The following C8orf34 variants were observed in gnomAD, a reference collection of about 807,000 sequenced individuals.
The protein encoded by C8orf34 is chromosome 8 open reading frame 34, also known as uncharacterized protein C8orf34.
A neutral mutation model predicts 68.3 loss-of-function variants in C8orf34; 65 were observed. The observed-to-expected ratio is 0.95, with a 90% CI of 0.78 to 1.17. The LOEUF is 1.17. Among genes scored for constraint, C8orf34 ranks in the 50% most tolerant of loss-of-function variants. The pLI is 0.00. For missense variants in C8orf34, 664 were observed against 655.4 expected, an observed-to-expected ratio of 1.01 and a Z score of -0.14; for synonymous variants, 244 against 241.2, an observed-to-expected ratio of 1.01 and a Z score of -0.11.
intron 1 of C8orf34, among the ~76,000 whole-genome samples, chr8:68,382,684 T>G (rs1447325390): frequency 6.6e-6 from 1 of 152,160 alleles, no homozygotes; most frequent in African/African-American, 2.4e-5. Context: ...CCATTTCTTC[T>G]CAGTCTCCCT....
At chr8:68,706,670 A>G (rs1218051730) in intron 8 of C8orf34, among the ~76,000 whole-genome samples, 5 of 152,138 alleles carry the variant, frequency 3.3e-5, no homozygotes, top group African/African-American at 1.2e-4. Context: ...AGTGGAAGGG[A>G]AGATCTCCAA....
chr8:68,744,085 C>T (rs942317853), intron 10 of C8orf34, among the ~76,000 whole-genome samples: 3 of 152,190 alleles, frequency 2.0e-5, no homozygotes, highest in Non-Finnish European at 4.4e-5. Context: ...CCCTGACCCC[C>T]AAGCAGCCTA....
chr8:68,744,468 A>T (rs1239629546), intron 10 of C8orf34, among the ~76,000 whole-genome samples: 1 of 152,122 alleles, frequency 6.6e-6, no homozygotes, highest in Admixed American at 6.5e-5. Flanking sequence ...CCAAAGGCAA[A>T]GAAGTTGAAA....
At chr8:68,486,383 C>T (rs1813079876) in intron 4 of C8orf34, among the ~76,000 whole-genome samples, 1 of 152,110 alleles carries the variant, frequency 6.6e-6, no homozygotes, top group African/African-American at 2.4e-5. Flanking sequence ...TACAGCAAGT[C>T]CTTGAATAAT....
chr8:68,745,794 TA>T (rs1325000736), intron 10 of C8orf34, among the ~76,000 whole-genome samples: 1 of 152,136 alleles, frequency 6.6e-6, no homozygotes, highest in Non-Finnish European at 1.5e-5. Flanking sequence ...TGGGAGACTT[TA>T]ACACCCCACT....
At chr8:68,590,827 C>T (rs13273576) in intron 7 of C8orf34, among the ~76,000 whole-genome samples, 69,590 of 151,906 alleles carry the variant, frequency 0.46, 16,436 homozygotes, top group Non-Finnish European at 0.52. Flanking sequence ...TCTGAGGCTT[C>T]CCCTGGCCAG....
At chr8:68,756,117 T>C (rs1822854313) in intron 10 of C8orf34, among the ~76,000 whole-genome samples, 1 of 150,518 alleles carries the variant, frequency 6.6e-6, no homozygotes, top group South Asian at 2.1e-4. Context: ...CTCCCAAATG[T>C]AGATGGACAG....
chr8:68,812,997 G>T (rs74439120), intron 12 of C8orf34, among the ~76,000 whole-genome samples: 12,951 of 152,224 alleles, frequency 0.085, 830 homozygotes, highest in East Asian at 0.32. Flanking sequence ...TGAACATGGT[G>T]CATCAACATA....
At chr8:68,652,010 C>G (rs564868860) in intron 8 of C8orf34, among the ~76,000 whole-genome samples, 1 of 152,124 alleles carries the variant, frequency 6.6e-6, no homozygotes, top group Non-Finnish European at 1.5e-5. Flanking sequence ...GGACTGAGTT[C>G]CGTGCATTAT....
In C8orf34 at chr8:68,593,823, T is replaced by A. The variant is rs528199142; in HGVS notation, c.1106-46553T>A. 7.9e-5 allele frequency among the ~76,000 whole-genome samples: 12 copies of A among 152,170 alleles called. No individual in the cohort carries two copies. The East Asian group carries it at 1.3e-3, about 17-fold the overall frequency. On this transcript the variant is annotated intron_variant, in intron 7 of 13. Transcript: ENST00000518698. ...CCTTTGTCATTTTATTTCTTTAGTATTCATGGCTATATTACCTTAAAGTTC... is the reference window on the plus strand; with the variant it reads ...CCTTTGTCATTTTATTTCTTTAGTAATCATGGCTATATTACCTTAAAGTTC...
In C8orf34 at chr8:68,512,785, CA is replaced by C. The variant is rs112918287; in HGVS notation, c.766-9000del. On this transcript the variant is annotated intron_variant, in intron 5 of 13. Transcript: ENST00000518698. ...TCCATACCTCCTTATAACCTTTTACCAAAAAAAAAAAAAACCACCAACAACA... is the reference window on the plus strand; with the variant it reads ...TCCATACCTCCTTATAACCTTTTACCAAAAAAAAAAAAACCACCAACAACA... 3.0e-3 allele frequency among the ~76,000 whole-genome samples: 404 copies of C among 136,072 alleles called. 1 individual carries two copies. Among genetic ancestry groups the C allele is most frequent in the East Asian group, 7.9e-3 (37 of 4,662 alleles). The allele number at this position is 136,072 out of a possible 152,430, so 89.3% of individuals were successfully genotyped here.
intron 7 of C8orf34, among the ~76,000 whole-genome samples, chr8:68,573,746 G>C (rs1379974709): frequency 2.0e-5 from 3 of 152,074 alleles, no homozygotes; most frequent in African/African-American, 7.2e-5. Flanking sequence ...AATTCCCCTG[G>C]AATTGTTCAA....
intron 1 of C8orf34, among the ~76,000 whole-genome samples, chr8:68,395,453 GC>G (rs1233483050): frequency 6.6e-6 from 1 of 151,712 alleles, no homozygotes; most frequent in Non-Finnish European, 1.5e-5. Context: ...CTGGAATGGG[GC>G]CCCCTGTTTC....
In C8orf34 at chr8:68,702,361, G is replaced by A. The variant is rs535132160; in HGVS notation, c.1242-6633G>A. 1.3e-3 allele frequency among the ~76,000 whole-genome samples: 199 copies of A among 152,196 alleles called. 1 individual carries two copies. The highest frequency in any genetic ancestry group is 4.5e-3 in the African/African-American group (189 of 41,546). On this transcript the variant is annotated intron_variant, in intron 8 of 13. Coordinates refer to ENST00000518698, the MANE Select transcript of C8orf34 (RefSeq NM_052958.4). ...CATTTACCCTATGAGGCATATGAAT[G>A]AAAACTTTCAAAGCTTCCTTCTACA... is the stretch of plus-strand genomic sequence containing the variant.
Position 68,439,625 on chromosome 8 carries a change from T to C in C8orf34, c.454T>C (p.Trp152Arg), listed in dbSNP as rs779109183. 1.9e-6 allele frequency: 3 copies of C among 1,612,358 alleles called. No homozygotes were observed. Among genetic ancestry groups the C allele is most frequent in the Non-Finnish European group, 2.5e-6 (3 of 1,179,454 alleles). ...QRTLSGSAAL[W>R]AESEKSESKG... ...AACTTTGTCTGGATCTGCAGCTCTATGGGCAGAAAGTGAAAAATCAGGTAA... is the reference window on the plus strand; with the variant it reads ...AACTTTGTCTGGATCTGCAGCTCTACGGGCAGAAAGTGAAAAATCAGGTAA... Residue 152 changes from tryptophan (W) to arginine (R), a missense_variant, in exon 2 of 14, where the codon TGG (tryptophan) becomes CGG (arginine). Physicochemically the swap from Trp to Arg is moderately radical, Grantham distance 101. Transcript: ENST00000518698.
At chr8:68,600,893 A>G (rs1326450750) in intron 7 of C8orf34, among the ~76,000 whole-genome samples, 1 of 152,134 alleles carries the variant, frequency 6.6e-6, no homozygotes, top group Admixed American at 6.6e-5. Context: ...GTACCCATTC[A>G]CCAACCTGTG....
At chr8:68,683,346 G>T (rs1429733638) in intron 8 of C8orf34, among the ~76,000 whole-genome samples, 2 of 151,400 alleles carry the variant, frequency 1.3e-5, no homozygotes, top group Non-Finnish European at 2.9e-5. Flanking sequence ...TCAATAGTCA[G>T]CCTATACTAG....
chr8:68,773,371 T>C lies in C8orf34; in HGVS notation c.1405-3028T>C, dbSNP rs1823408966. Among the ~76,000 whole-genome samples, 5 of 152,126 alleles carry C rather than the reference T, an allele frequency of 3.3e-5. No individual in the cohort carries two copies. The South Asian group carries it at 1.0e-3, about 31-fold the overall frequency. On this transcript the variant is annotated intron_variant, in intron 10 of 13. Coordinates refer to ENST00000518698, the MANE Select transcript of C8orf34 (RefSeq NM_052958.4). ...TCAAAATGTTAGTTTCCTCTGTATT[T>C]TCCTCCAAGAATCTTTTTATTTTTA...
At chr8:68,791,998 T>TA (rs1824008018) in intron 12 of C8orf34, 1 of 152,174 alleles carries the variant, frequency 6.6e-6, no homozygotes, top group Non-Finnish European at 1.5e-5. Flanking sequence ...AAACTATCTG[T>TA]ATTGTCAGAA....
Sources: gnomAD v4.1 joint callset for allele counts (sites outside exome capture counted in the v4.1 genomes callset) on GRCh38, gnomAD v4.1.1 for gene constraint, MANE v1.5 for transcripts, NCBI Gene and HGNC (gene_info 2026-07-23, HGNC 2026-07-21) for gene names.